The following CNBD1 variants were observed in gnomAD, a reference collection of about 807,000 sequenced individuals.
The protein encoded by CNBD1 is cyclic nucleotide binding domain containing 1.
CNBD1 carries 71 observed loss-of-function variants against 54.4 expected under a neutral mutation model. The ratio of observed to expected loss-of-function variants is 1.30; its 90% CI spans 1.08 to 1.59. The LOEUF (loss-of-function observed/expected upper bound fraction) is 1.59. CNBD1 is among the 40% of genes most tolerant of loss of function. The probability of loss-of-function intolerance (pLI) is 0.00; values close to 1 mark genes in which losing one functional copy is unlikely to be tolerated. For missense variants in CNBD1, 659 were observed against 518.0 expected (o/e 1.27, Z -2.64); for synonymous variants, 182 against 170.7 (o/e 1.07, Z -0.51).
At chr8:87,032,394 T>G (rs548631030) in intron 4 of CNBD1, among the ~76,000 whole-genome samples, 1 of 152,290 alleles carries the variant, frequency 6.6e-6, no homozygotes, top group African/African-American at 2.4e-5. Context: ...TTCTATATTC[T>G]TACACTAAAG....
intron 4 of CNBD1, among the ~76,000 whole-genome samples, chr8:87,069,676 G>A (rs1195469039): frequency 6.6e-6 from 1 of 152,010 alleles, no homozygotes; most frequent in East Asian, 1.9e-4. Flanking sequence ...GTGAAAACTT[G>A]GAATATAAAA....
chr8:87,239,346 G>A (rs1807642788), intron 6 of CNBD1, among the ~76,000 whole-genome samples: 1 of 151,902 alleles, frequency 6.6e-6, no homozygotes, highest in Non-Finnish European at 1.5e-5. Flanking sequence ...TATGAAACAT[G>A]CTGCTCTTTC....
At chr8:87,207,289 G>A (rs1284497083) in intron 5 of CNBD1, among the ~76,000 whole-genome samples, 1 of 151,902 alleles carries the variant, frequency 6.6e-6, no homozygotes, top group Admixed American at 6.6e-5. Context: ...ATAGAAGATT[G>A]GCTATACATA....
chr8:87,382,037 A>C (rs1183214127), intron 10 of CNBD1, among the ~76,000 whole-genome samples: 1 of 152,032 alleles, frequency 6.6e-6, no homozygotes, highest in African/African-American at 2.4e-5. Flanking sequence ...TTAAAAAATA[A>C]ATAGAAGAGT....
chr8:86,911,819 G>A (rs1263839710), intron 3 of CNBD1, among the ~76,000 whole-genome samples: 2 of 152,102 alleles, frequency 1.3e-5, no homozygotes, highest in East Asian at 1.9e-4. Context: ...TATGCCAACA[G>A]CAAACAATCT....
chr8:86,983,082 C>T (rs1411156620), intron 4 of CNBD1, among the ~76,000 whole-genome samples: 2 of 151,996 alleles, frequency 1.3e-5, no homozygotes, highest in South Asian at 2.1e-4. Context: ...TTGGGTGTGT[C>T]CTCACCCAAA....
At chr8:87,085,605 G>A (rs1811080631) in intron 4 of CNBD1, among the ~76,000 whole-genome samples, 1 of 152,114 alleles carries the variant, frequency 6.6e-6, no homozygotes, top group Non-Finnish European at 1.5e-5. Flanking sequence ...CTTTTACTTA[G>A]AGTGGCAGCT....
chr8:87,400,723 G>A (rs991312849), intron 2 of CNBD1, among the ~76,000 whole-genome samples: 8 of 151,924 alleles, frequency 5.3e-5, no homozygotes, highest in African/African-American at 1.9e-4. Context: ...GGGGTGGAAA[G>A]ACAGAAGAAT....
At chr8:87,266,728 A>G (rs916481765) in intron 6 of CNBD1, among the ~76,000 whole-genome samples, 4 of 152,044 alleles carry the variant, frequency 2.6e-5, no homozygotes, top group Admixed American at 2.6e-4. Flanking sequence ...CTGGGATTAC[A>G]GGCTTGAGCT....
At chr8:87,377,232 A>T (rs982956945) in intron 10 of CNBD1, among the ~76,000 whole-genome samples, 2 of 151,416 alleles carry the variant, frequency 1.3e-5, no homozygotes, top group East Asian at 3.9e-4. Context: ...TACATGTGCC[A>T]TGCTGGTGCG....
In CNBD1 at chr8:87,016,619, T is replaced by TA. The variant is rs546619762; in HGVS notation, c.431+76873dup. 1.8e-4 allele frequency among the ~76,000 whole-genome samples: 28 copies of TA among 152,144 alleles called. No homozygotes were observed. The South Asian group carries it at 3.5e-3, about 19-fold the overall frequency. ...GTAGATTAGTATCATTCAGCTTCTTTAAAAAAAACTTTAGTGGATTGTAGA... is the reference window on the plus strand; with the variant it reads ...GTAGATTAGTATCATTCAGCTTCTTTAAAAAAAAACTTTAGTGGATTGTAGA... On this transcript the variant is annotated intron_variant, in intron 4 of 10. Transcript: ENST00000518476.
At chr8:87,274,341 G>A (rs1004709158) in intron 6 of CNBD1, among the ~76,000 whole-genome samples, 20 of 148,730 alleles carry the variant, frequency 1.3e-4, no homozygotes, top group African/African-American at 2.0e-4. Flanking sequence ...CTGAGGAATC[G>A]CCACACTGAC....
chr8:87,083,820 C>T (rs1023995934), intron 4 of CNBD1, among the ~76,000 whole-genome samples: 4 of 151,972 alleles, frequency 2.6e-5, no homozygotes, highest in Non-Finnish European at 5.9e-5. Flanking sequence ...GATCTCATGA[C>T]CTCGTGATCC....
chr8:87,376,893 T>A (rs569113484), intron 10 of CNBD1, among the ~76,000 whole-genome samples: 11 of 151,886 alleles, frequency 7.2e-5, no homozygotes, highest in African/African-American at 2.6e-4. Context: ...ATCAGAACCT[T>A]AGAAAGAAGA....
chr8:86,870,189 C>CTTTTTT lies in CNBD1; in HGVS notation c.88+3616_88+3621dup, dbSNP rs71275890. Among the ~76,000 whole-genome samples the CTTTTTT allele has an allele frequency of 4.7e-4, 47 of 100,604 alleles. 1 individual carries two copies. Among genetic ancestry groups the CTTTTTT allele is most frequent in the African/African-American group, 1.6e-3 (39 of 24,916 alleles). The allele number at this position is 100,604 out of a possible 152,430, so 66.0% of individuals were successfully genotyped here. On this transcript the variant is annotated intron_variant, in intron 1 of 10. Transcript: ENST00000518476. ...AGAAATTTAGAAACAAGATAGTACT[C>CTTTTTT]TTTTTTTTTTTTTTTCTGAGACGGA...
intron 4 of CNBD1, among the ~76,000 whole-genome samples, chr8:87,205,141 T>C (rs1041730019): frequency 1.2e-4 from 19 of 152,180 alleles, no homozygotes; most frequent in African/African-American, 4.1e-4. Flanking sequence ...AAATTCCCTT[T>C]ATGATGCTAA....
At chr8:86,908,510 C>T (rs1809051450) in intron 3 of CNBD1, among the ~76,000 whole-genome samples, 3 of 152,220 alleles carry the variant, frequency 2.0e-5, no homozygotes, top group Non-Finnish European at 2.9e-5. Flanking sequence ...ATATTAATCC[C>T]CTACTTCAGA....
intron 1 of CNBD1, among the ~76,000 whole-genome samples, chr8:86,874,401 C>T (rs1339160001): frequency 1.3e-5 from 2 of 152,130 alleles, no homozygotes; most frequent in African/African-American, 2.4e-5. Flanking sequence ...TCATGTTCTC[C>T]TTCCATCTTA....
intron 2 of CNBD1, among the ~76,000 whole-genome samples, chr8:87,422,317 G>T (rs1307696541): frequency 3.4e-5 from 5 of 146,748 alleles, no homozygotes; most frequent in Non-Finnish European, 7.4e-5. Context: ...TGTTGCCATT[G>T]CTTTTGGTGT....
Sources: gnomAD v4.1 joint callset for allele counts (sites outside exome capture counted in the v4.1 genomes callset) on GRCh38, gnomAD v4.1.1 for gene constraint, MANE v1.5 for transcripts, NCBI Gene and HGNC (gene_info 2026-07-23, HGNC 2026-07-21) for gene names.